The following DGKI variants were observed in gnomAD, a reference collection of about 807,000 sequenced individuals.
DGKI encodes the protein DAG kinase iota.
In DGKI, 55 loss-of-function variants were observed where a neutral mutation model predicts 147.5. That is an observed-to-expected ratio of 0.37 (90% CI 0.30 to 0.47). The LOEUF is 0.47. DGKI is among the 20% of genes least tolerant of loss of function. The pLI is 1.00. For missense variants in DGKI, 1,007 were observed against 1,323.8 expected, an observed-to-expected ratio of 0.76 and a Z score of 3.71; for synonymous variants, 469 against 477.1, an observed-to-expected ratio of 0.98 and a Z score of 0.22.
intron 3 of DGKI, among the ~76,000 whole-genome samples, chr7:137,675,357 T>C (rs1822995056): frequency 6.6e-6 from 1 of 152,130 alleles, no homozygotes; most frequent in Non-Finnish European, 1.5e-5. Context: ...TTGCGACCCA[T>C]CTGCATCAGA....
chr7:137,633,033 A>C (rs926871575), intron 6 of DGKI, among the ~76,000 whole-genome samples: 1 of 151,818 alleles, frequency 6.6e-6, no homozygotes, highest in Non-Finnish European at 1.5e-5. Flanking sequence ...ACCAACATGG[A>C]GAAACCCTGT....
At chr7:137,669,005 A>C (rs572701611) in intron 3 of DGKI, among the ~76,000 whole-genome samples, 3 of 152,302 alleles carry the variant, frequency 2.0e-5, no homozygotes, top group East Asian at 1.9e-4. Context: ...TTTTCACAAC[A>C]ACCACAAGAA....
chr7:137,608,840 G>A, intron 10 of DGKI, 126 bp downstream of exon 10: 2 of 725,060 alleles, frequency 2.8e-6, no homozygotes, highest in South Asian at 3.6e-5. Flanking sequence ...CAATAACCTT[G>A]TTCCTGAGAA....
intron 28 of DGKI, among the ~76,000 whole-genome samples, chr7:137,434,139 A>G (rs1813189751): frequency 6.6e-6 from 1 of 150,986 alleles, no homozygotes; most frequent in African/African-American, 2.4e-5. Flanking sequence ...AAAAAAGTAA[A>G]CTAGGACTTG....
chr7:137,846,408 A>C lies in DGKI; in HGVS notation c.401+54T>G. 1 of 1,362,140 alleles carries C rather than the reference A, an allele frequency of 7.3e-7. No individual in the cohort carries two copies. Among genetic ancestry groups the C allele is most frequent in the Non-Finnish European group, 1.0e-6 (1 of 994,826 alleles). The allele number at this position is 1,362,140 out of a possible 1,614,324, so 84.4% of individuals were successfully genotyped here. A position where few individuals can be genotyped will look rare whatever the true frequency, so the allele number is the denominator to read the frequency against. On this transcript the variant is annotated intron_variant, in intron 1 of 32. Coordinates refer to ENST00000614521, the MANE Select transcript of DGKI (RefSeq NM_001321708.2). The surrounding 1 kb of genome is among the most constrained non-coding windows in gnomAD (Gnocchi z 4.0). ...GGAAGCGCCCCTTGCTGGGTAGAAG[A>C]GTGGGTCTCCCGCCGCGGCGCACCT...
intron 28 of DGKI, among the ~76,000 whole-genome samples, chr7:137,436,327 A>C (rs970836783): frequency 6.6e-6 from 1 of 152,162 alleles, no homozygotes; most frequent in Non-Finnish European, 1.5e-5. Flanking sequence ...ATGAATAAAA[A>C]ATTCCCATCT....
chr7:137,655,642 G>A (rs796895875), intron 4 of DGKI, among the ~76,000 whole-genome samples: 4 of 152,250 alleles, frequency 2.6e-5, no homozygotes, highest in African/African-American at 9.6e-5. Flanking sequence ...AGTGAAGTTG[G>A]GGCAGAAAAG....
intron 7 of DGKI, among the ~76,000 whole-genome samples, chr7:137,622,681 T>C (rs1448432267): frequency 6.6e-6 from 1 of 152,184 alleles, no homozygotes; most frequent in African/African-American, 2.4e-5. Context: ...CAAAAATAGA[T>C]GGCAGCCAGA....
chr7:137,835,204 A>G (rs1042348772), intron 1 of DGKI, among the ~76,000 whole-genome samples: 5 of 152,208 alleles, frequency 3.3e-5, no homozygotes, highest in Non-Finnish European at 5.9e-5. Flanking sequence ...GGTGAATGTC[A>G]AATACAGCCT....
chr7:137,638,848 A>T (rs1275580610), intron 6 of DGKI, among the ~76,000 whole-genome samples: 1 of 151,614 alleles, frequency 6.6e-6, no homozygotes, highest in Non-Finnish European at 1.5e-5. Context: ...TTTAAAAGGC[A>T]GAGAAGCTGT....
intron 17 of DGKI, 74 bp from the exon 18 acceptor site, chr7:137,572,912 G>A (rs1818841705): frequency 2.9e-6 from 3 of 1,045,768 alleles, no homozygotes; most frequent in Admixed American, 4.1e-5. Flanking sequence ...TAACTAGTTT[G>A]ACAATAGTAC....
chr7:137,416,700 T>C (rs1563005416), intron 28 of DGKI, among the ~76,000 whole-genome samples: 1 of 152,174 alleles, frequency 6.6e-6, no homozygotes, highest in Non-Finnish European at 1.5e-5. Flanking sequence ...GTTCCTACTC[T>C]TCGCTCCTTT....
At chr7:137,407,124 C>T (rs563550190) in intron 30 of DGKI, among the ~76,000 whole-genome samples, 2 of 152,312 alleles carry the variant, frequency 1.3e-5, no homozygotes, top group East Asian at 3.9e-4. Flanking sequence ...TTAAAACAGA[C>T]TAGCTAGGCA....
intron 1 of DGKI, among the ~76,000 whole-genome samples, chr7:137,738,751 C>T (rs1436817766): frequency 4.3e-5 from 6 of 140,152 alleles, no homozygotes; most frequent in African/African-American, 1.0e-4. Flanking sequence ...TTTTCATATC[C>T]GATTTACTAG....
chr7:137,651,027 T>C (rs1822008396), intron 5 of DGKI, among the ~76,000 whole-genome samples: 1 of 152,218 alleles, frequency 6.6e-6, no homozygotes, highest in South Asian at 2.1e-4. Flanking sequence ...GACCTTTTCA[T>C]GCCAAGACAG....
intron 1 of DGKI, among the ~76,000 whole-genome samples, chr7:137,730,140 CT>C: frequency 6.6e-6 from 1 of 152,206 alleles, no homozygotes; most frequent in East Asian, 1.9e-4. Flanking sequence ...GCCTATAGCT[CT>C]AATAGGCCGC....
At chr7:137,780,407 G>A (rs1191558966) in intron 1 of DGKI, among the ~76,000 whole-genome samples, 2 of 152,154 alleles carry the variant, frequency 1.3e-5, no homozygotes, top group Non-Finnish European at 2.9e-5. Flanking sequence ...GGGCTACAAA[G>A]ACAAATTTGG....
At chr7:137,443,420 T>C (rs968424065) in intron 28 of DGKI, among the ~76,000 whole-genome samples, 2 of 152,222 alleles carry the variant, frequency 1.3e-5, no homozygotes, top group African/African-American at 4.8e-5. Context: ...AAGTTCCATA[T>C]AGCATATTTG....
chr7:137,415,865 C>T (rs567748719), intron 28 of DGKI, among the ~76,000 whole-genome samples: 37 of 151,874 alleles, frequency 2.4e-4, no homozygotes, highest in South Asian at 4.2e-4. Context: ...GGTGGGCGCC[C>T]GTAATCCCAG....
Sources: allele counts gnomAD v4.1 joint callset (sites outside exome capture counted in the v4.1 genomes callset), GRCh38; gene constraint gnomAD v4.1.1; non-coding constraint Gnocchi (gnomAD v3.1); transcripts MANE v1.5; gene names NCBI Gene and HGNC (gene_info 2026-07-23, HGNC 2026-07-21).